The following GNAI1 variants were observed in gnomAD, a reference collection of about 807,000 sequenced individuals.
The protein encoded by GNAI1 is guanine nucleotide-binding protein G(i) subunit alpha-1.
A neutral mutation model predicts 38.9 loss-of-function variants in GNAI1; 11 were observed. That is an observed-to-expected ratio of 0.28 (90% CI 0.18 to 0.47). The LOEUF (loss-of-function observed/expected upper bound fraction) is 0.47, where lower values mean the gene tolerates loss of function less well. Ranked by LOEUF, GNAI1 falls within the 20% of genes least tolerant of loss-of-function variation. The probability of loss-of-function intolerance (pLI) is 0.99; values close to 1 mark genes in which losing one functional copy is unlikely to be tolerated. For synonymous variants in GNAI1, 166 were observed against 145.1 expected (o/e 1.14, Z -1.04); for missense variants, 317 against 436.9 (o/e 0.73, Z 2.45).
chr7:80,143,291 A>G (rs1040636004), intron 1 of GNAI1, among the ~76,000 whole-genome samples: 1 of 152,150 alleles, frequency 6.6e-6, no homozygotes, highest in African/African-American at 2.4e-5. Flanking sequence ...AATAAAATAG[A>G]TACTAGGTAG....
In GNAI1 at chr7:80,189,220, T is replaced by A; in HGVS notation, c.292T>A (p.Ser98Thr). 6.2e-7 allele frequency: 1 copy of A among 1,610,506 alleles called. No homozygotes were observed. ...GAGGTTGAAGATAGACTTTGGTGACTCAGCCCGGGCGGTAAGTTATTAAAT... is the reference window on the plus strand; with the variant it reads ...GAGGTTGAAGATAGACTTTGGTGACACAGCCCGGGCGGTAAGTTATTAAAT... ...MGRLKIDFGD[S>T]ARADDARQLF... Residue 98 changes from serine to threonine, a missense_variant, in exon 3 of 8, where the codon TCA becomes ACA. Coordinates refer to ENST00000649796, the MANE Select transcript of GNAI1 (RefSeq NM_002069.6).
chr7:80,152,536 G>A lies in GNAI1; in HGVS notation c.118+17258G>A, dbSNP rs528023715. On this transcript the variant is annotated intron_variant, in intron 1 of 7. Coordinates refer to ENST00000649796, the MANE Select transcript of GNAI1 (RefSeq NM_002069.6). ...AGAAACCAACTTAAGGATCTAATCT[G>A]GGGGTAGATTCGGTCTCAATTCTTT... Among the ~76,000 whole-genome samples the A allele has an allele frequency of 3.3e-5, 5 of 151,316 alleles. No individual in the cohort carries two copies. The East Asian group carries it at 7.8e-4, about 23-fold the overall frequency.
At chr7:80,175,348 A>G (rs146036160) in intron 1 of GNAI1, among the ~76,000 whole-genome samples, 3 of 148,800 alleles carry the variant, frequency 2.0e-5, no homozygotes, top group Non-Finnish European at 4.5e-5. Flanking sequence ...ATTAAAAAAT[A>G]TATATGTGTA....
At position 80,150,367 on chromosome 7, in the gene GNAI1, A is replaced by G. The variant is rs147605768; in HGVS notation, c.118+15089A>G. Among the ~76,000 whole-genome samples, 642 of 152,354 alleles carry G rather than the reference A, an allele frequency of 4.2e-3. 4 individuals are homozygous for G. The highest frequency in any genetic ancestry group is 0.015 in the African/African-American group (614 of 41,592). On this transcript the variant is annotated intron_variant, in intron 1 of 7. Coordinates refer to ENST00000649796, the MANE Select transcript of GNAI1 (RefSeq NM_002069.6). ...GAAATACTATGTTAGAACTATAGAA[A>G]TGAAGTGCTATACGGAGATAGTGAA... is the stretch of plus-strand genomic sequence containing the variant.
intron 1 of GNAI1, among the ~76,000 whole-genome samples, chr7:80,143,497 C>T (rs925404145): frequency 7.9e-5 from 12 of 152,198 alleles, no homozygotes; most frequent in African/African-American, 2.9e-4. Flanking sequence ...ACTTTGCTAT[C>T]TATGAATTTA....
chr7:80,200,697 A>G (rs535999467), intron 4 of GNAI1, among the ~76,000 whole-genome samples: 9 of 152,338 alleles, frequency 5.9e-5, no homozygotes, highest in Non-Finnish European at 8.8e-5. Flanking sequence ...TTTAAGAAAT[A>G]ATGAATATTG....
intron 1 of GNAI1, among the ~76,000 whole-genome samples, chr7:80,153,698 A>C (rs183437747): frequency 2.1e-3 from 320 of 152,316 alleles, no homozygotes; most frequent in South Asian, 5.4e-3. Flanking sequence ...GTTTACATCC[A>C]TTGTGCCATA....
chr7:80,183,136 A>C (rs908881786), intron 1 of GNAI1, among the ~76,000 whole-genome samples: 1 of 152,214 alleles, frequency 6.6e-6, no homozygotes, highest in African/African-American at 2.4e-5. Flanking sequence ...TTTTCAAAAG[A>C]ATATATTATA....
In GNAI1 at chr7:80,193,614, A is replaced by G. The variant is rs568276011; in HGVS notation, c.303+4383A>G. On this transcript the variant is annotated intron_variant, in intron 3 of 7. Transcript: ENST00000649796. ...CTATTCACCTGTTCAGGCACTGAGC[A>G]CTTAGAGGAGAGCTGTTCAAAATGT... Among the ~76,000 whole-genome samples, 178 of 152,266 alleles carry G rather than the reference A, an allele frequency of 1.2e-3. 3 individuals are homozygous for G. Among genetic ancestry groups the G allele is most frequent in the Non-Finnish European group, 1.6e-3 (106 of 68,010 alleles).
At chr7:80,198,117 A>G (rs1291490216) in intron 3 of GNAI1, among the ~76,000 whole-genome samples, 1 of 151,850 alleles carries the variant, frequency 6.6e-6, no homozygotes, top group African/African-American at 2.4e-5. Flanking sequence ...CTTGGAAACT[A>G]GAGTTAGGTT....
intron 1 of GNAI1, among the ~76,000 whole-genome samples, chr7:80,173,770 T>TA (rs1451653603): frequency 6.6e-6 from 1 of 152,192 alleles, no homozygotes; most frequent in African/African-American, 2.4e-5. Flanking sequence ...GCTTGGAGCT[T>TA]ACCTGCTTGA....
chr7:80,143,530 T>G (rs1787564099), intron 1 of GNAI1, among the ~76,000 whole-genome samples: 1 of 152,196 alleles, frequency 6.6e-6, no homozygotes, highest in African/African-American at 2.4e-5. Flanking sequence ...TTTCCATGTC[T>G]AAGGAATTTT....
chr7:80,137,456 G>T (rs1787444775), intron 1 of GNAI1, among the ~76,000 whole-genome samples: 1 of 150,974 alleles, frequency 6.6e-6, no homozygotes, highest in Non-Finnish European at 1.5e-5. Flanking sequence ...GAGTACCCGG[G>T]ACTACAGGTG....
At chr7:80,212,626 C>CT in intron 6 of GNAI1, 90 bp from the exon 7 acceptor site, 1 of 707,514 alleles carries the variant, frequency 1.4e-6, no homozygotes, top group Non-Finnish European at 2.2e-6. Context: ...TCACTAAACT[C>CT]TGTTTTATTA....
At chr7:80,205,548 A>G (rs941016318) in intron 5 of GNAI1, among the ~76,000 whole-genome samples, 1 of 152,082 alleles carries the variant, frequency 6.6e-6, no homozygotes, top group African/African-American at 2.4e-5. Context: ...CAACTTTTAA[A>G]TACAGCGAAG....
chr7:80,161,306 A>G (rs1262650297), intron 1 of GNAI1, among the ~76,000 whole-genome samples: 1 of 152,190 alleles, frequency 6.6e-6, no homozygotes, highest in Admixed American at 6.5e-5. Flanking sequence ...TTGTTGCTGC[A>G]TATTGAAGGC....
intron 5 of GNAI1, 105 bp from the exon 6 acceptor site, chr7:80,210,864 C>A: frequency 1.2e-6 from 1 of 850,910 alleles, no homozygotes; most frequent in Non-Finnish European, 1.8e-6. Flanking sequence ...TCCTTTTCAT[C>A]AGACATTTCC....
intron 1 of GNAI1, among the ~76,000 whole-genome samples, chr7:80,156,256 A>G (rs541990971): frequency 3.9e-5 from 6 of 152,116 alleles, no homozygotes; most frequent in Non-Finnish European, 8.8e-5. Flanking sequence ...CTTATCATGT[A>G]CCATTTATCC....
chr7:80,143,187 C>A (rs180945765), intron 1 of GNAI1, among the ~76,000 whole-genome samples: 13 of 152,200 alleles, frequency 8.5e-5, no homozygotes, highest in African/African-American at 2.9e-4. Flanking sequence ...TACGCATTAG[C>A]CTTACCAGAT....
Sources: allele counts gnomAD v4.1 joint callset (sites outside exome capture counted in the v4.1 genomes callset), GRCh38; gene constraint gnomAD v4.1.1; transcripts MANE v1.5; gene names NCBI Gene and HGNC (gene_info 2026-07-23, HGNC 2026-07-21).